Variants in XYLT1 observed in about 807,000 individuals in gnomAD.
XYLT1 encodes xylosyltransferase 1, also known as beta-D-xylosyltransferase 1.
Under a neutral mutation model 91.3 loss-of-function variants are expected in XYLT1, and 36 were observed. That is an observed-to-expected ratio of 0.39 (90% CI 0.30 to 0.52). The LOEUF (loss-of-function observed/expected upper bound fraction) is 0.52, where lower values mean the gene tolerates loss of function less well. Among genes scored for constraint, XYLT1 ranks in the 20% least tolerant of loss-of-function variants. The pLI, the probability that XYLT1 is intolerant of heterozygous loss-of-function variation, is 0.68. For missense variants in XYLT1, 1,242 were observed against 1,284.5 expected, an observed-to-expected ratio of 0.97 and a Z score of 0.51; for synonymous variants, 588 against 532.0, an observed-to-expected ratio of 1.11 and a Z score of -1.45.
Position 17,259,084 on chromosome 16 carries a change from A to G in XYLT1, c.817T>C (p.Ser273Pro). The part of the protein sequence containing the change: ...EAISALSRAK[S>P]KHCRQEIGET... ...CCAATCTCCTGGCGGCAGTGCTTGG[A>G]CTTAGCACGGGACAGGGCAGAGATG... is the stretch of plus-strand genomic sequence containing the variant. Residue 273 changes from serine (S) to proline (P), a missense_variant, in exon 3 of 12, where the codon TCC becomes CCC. Coordinates refer to ENST00000261381, the MANE Select transcript of XYLT1 (RefSeq NM_022166.4). The G allele has an allele frequency of 6.5e-7, 1 of 1,542,638 alleles. No individual in the cohort carries two copies. Among genetic ancestry groups the G allele is most frequent in the East Asian group, 2.3e-5 (1 of 44,176 alleles).
chr16:17,214,714 A>G (rs2032823780), intron 3 of XYLT1, among the ~76,000 whole-genome samples: 1 of 152,222 alleles, frequency 6.6e-6, no homozygotes, highest in Non-Finnish European at 1.5e-5. Flanking sequence ...AAGACAGATA[A>G]TAAACACATA....
At chr16:17,344,165 T>C (rs2035106954) in intron 2 of XYLT1, among the ~76,000 whole-genome samples, 1 of 151,888 alleles carries the variant, frequency 6.6e-6, no homozygotes, top group Non-Finnish European at 1.5e-5. Context: ...CTGCTAAACA[T>C]TCTACAATGC....
chr16:17,463,577 G>A (rs1000733067), intron 1 of XYLT1, among the ~76,000 whole-genome samples: 1 of 152,202 alleles, frequency 6.6e-6, no homozygotes, highest in East Asian at 1.9e-4. Context: ...AATAACAGAC[G>A]CTGGTGAGGA....
intron 2 of XYLT1, among the ~76,000 whole-genome samples, chr16:17,269,693 C>T (rs1352769826): frequency 6.6e-6 from 1 of 152,192 alleles, no homozygotes; most frequent in African/African-American, 2.4e-5. Context: ...TTGAGTCACA[C>T]ATAGACCAAC....
intron 3 of XYLT1, among the ~76,000 whole-genome samples, chr16:17,220,021 C>T (rs2032938943): frequency 6.6e-6 from 1 of 152,128 alleles, no homozygotes; most frequent in Non-Finnish European, 1.5e-5. Flanking sequence ...GCCCCTAGAC[C>T]AGAGAACTGC....
chr16:17,103,733 A>G lies in XYLT1; in HGVS notation c.*4962T>C, dbSNP rs1006311406. Reference sequence around the variant, plus strand: ...CCGCTTTCTGGTGGTATCTGTAGGCAGAGGCAGTTGGAATATTCCCAGCCA... The same window carrying G: ...CCGCTTTCTGGTGGTATCTGTAGGCGGAGGCAGTTGGAATATTCCCAGCCA... On this transcript the variant is annotated 3_prime_UTR_variant, in exon 12 of 12. Coordinates refer to ENST00000261381, the MANE Select transcript of XYLT1 (RefSeq NM_022166.4). The G allele has an allele frequency of 1.3e-5, 2 of 152,232 alleles. No individual in the cohort carries two copies. Among genetic ancestry groups the G allele is most frequent in the African/African-American group, 4.8e-5 (2 of 41,424 alleles). 9.4% of individuals were successfully genotyped at this position (152,232 alleles called of 1,614,324 possible).
At chr16:17,138,809 T>C (rs1255784056) in intron 7 of XYLT1, 1 of 330,088 alleles carries the variant, frequency 3.0e-6, no homozygotes, top group Non-Finnish European at 5.7e-6. Flanking sequence ...ACTCTTATGT[T>C]CTCTGCATGC....
intron 2 of XYLT1, among the ~76,000 whole-genome samples, chr16:17,274,428 G>A (rs573840731): frequency 6.6e-6 from 1 of 152,276 alleles, no homozygotes; most frequent in South Asian, 2.1e-4. Flanking sequence ...TTCCACATAT[G>A]TTATTTGGGT....
At chr16:17,298,803 C>G (rs1048236845) in intron 2 of XYLT1, among the ~76,000 whole-genome samples, 37 of 152,072 alleles carry the variant, frequency 2.4e-4, no homozygotes, top group African/African-American at 8.7e-4. Context: ...GAAAAATATC[C>G]GTCTGGATAT....
chr16:17,215,487 A>G (rs2032838261), intron 3 of XYLT1, among the ~76,000 whole-genome samples: 1 of 152,212 alleles, frequency 6.6e-6, no homozygotes, highest in African/African-American at 2.4e-5. Flanking sequence ...TCTGCAAGCC[A>G]GGAAGAGGGC....
intron 5 of XYLT1, among the ~76,000 whole-genome samples, chr16:17,180,046 T>G (rs1404193977): frequency 6.6e-6 from 1 of 152,178 alleles, no homozygotes; most frequent in Non-Finnish European, 1.5e-5. Flanking sequence ...ATGGGGACAA[T>G]GAAGGTCCCA....
At chr16:17,433,530 C>T (rs1464719994) in intron 1 of XYLT1, among the ~76,000 whole-genome samples, 3 of 152,160 alleles carry the variant, frequency 2.0e-5, no homozygotes, top group Middle Eastern at 3.2e-3. Flanking sequence ...TCCACAAACA[C>T]GCATGATGGT....
chr16:17,189,907 G>A (rs1366301087), intron 5 of XYLT1, among the ~76,000 whole-genome samples: 1 of 152,190 alleles, frequency 6.6e-6, no homozygotes, highest in African/African-American at 2.4e-5. Flanking sequence ...TTAGCCAGGT[G>A]TGGTGGTGCA....
At chr16:17,301,426 T>C (rs1256531400) in intron 2 of XYLT1, among the ~76,000 whole-genome samples, 1 of 151,952 alleles carries the variant, frequency 6.6e-6, no homozygotes. Context: ...ATAATAATAG[T>C]CTTAGATATT....
intron 1 of XYLT1, among the ~76,000 whole-genome samples, chr16:17,456,332 CTTTTTTTTTTTT>C (rs869026409): frequency 2.6e-5 from 3 of 114,152 alleles, no homozygotes; most frequent in South Asian, 5.8e-4. Flanking sequence ...CAGTACAAAC[CTTTTTTTTTTTT>C]TTTTTTTTTT....
chr16:17,213,638 A>G (rs1326090738), intron 3 of XYLT1, among the ~76,000 whole-genome samples: 1 of 150,642 alleles, frequency 6.6e-6, no homozygotes. Context: ...TTTTTTTTTG[A>G]GACTGAGTCT....
chr16:17,120,399 A>ACTTGCTC (rs2030005599), intron 10 of XYLT1, among the ~76,000 whole-genome samples: 1 of 151,320 alleles, frequency 6.6e-6, no homozygotes, highest in African/African-American at 2.4e-5. Context: ...CCTCCCTTCC[A>ACTTGCTC]CTTGCTCCTT....
At chr16:17,147,873 G>A (rs1360545945) in intron 6 of XYLT1, among the ~76,000 whole-genome samples, 1 of 152,186 alleles carries the variant, frequency 6.6e-6, no homozygotes. Context: ...AACAAGGGGC[G>A]CATGGCTCTC....
At chr16:17,444,946 C>T (rs1298587463) in intron 1 of XYLT1, among the ~76,000 whole-genome samples, 3 of 152,170 alleles carry the variant, frequency 2.0e-5, no homozygotes, top group South Asian at 2.1e-4. Context: ...AGTAGGTGCT[C>T]ACTAAATATT....
Sources: gnomAD v4.1 joint callset for allele counts (sites outside exome capture counted in the v4.1 genomes callset) on GRCh38, gnomAD v4.1.1 for gene constraint, MANE v1.5 for transcripts, NCBI Gene and HGNC (gene_info 2026-07-23, HGNC 2026-07-21) for gene names.